Variants in MON2 observed in about 807,000 individuals in gnomAD.
MON2 encodes MON2 regulator of endosome-to-Golgi trafficking, also known as protein MON2 homolog.
MON2 carries 84 observed loss-of-function variants against 208.6 expected under a neutral mutation model. The ratio of observed to expected loss-of-function variants is 0.40; its 90% CI spans 0.34 to 0.48. The LOEUF is 0.48. MON2 is among the 20% of genes least tolerant of loss of function. The pLI is 0.59. For missense variants in MON2, 1,611 were observed against 2,015.4 expected, an observed-to-expected ratio of 0.80 and a Z score of 3.84; for synonymous variants, 660 against 694.0, an observed-to-expected ratio of 0.95 and a Z score of 0.77.
intron 11 of MON2, among the ~76,000 whole-genome samples, chr12:62,529,882 A>G (rs2072537789): frequency 6.6e-6 from 1 of 152,194 alleles, no homozygotes. Flanking sequence ...ATAAATGTAC[A>G]TATTTTCAGG....
intron 1 of MON2, among the ~76,000 whole-genome samples, chr12:62,469,075 G>A (rs1279990009): frequency 6.6e-6 from 1 of 151,160 alleles, no homozygotes; most frequent in East Asian, 1.9e-4. Context: ...GAGTTGCAGC[G>A]ACTACAAGTG....
intron 8 of MON2, among the ~76,000 whole-genome samples, chr12:62,518,775 C>T (rs75244473): frequency 0.01 from 1,582 of 152,162 alleles, 7 homozygotes; most frequent in Middle Eastern, 0.027. Context: ...ACATTGGTTC[C>T]TAATAAGGAA....
At chr12:62,570,407 T>C (rs2074547520) in intron 29 of MON2, among the ~76,000 whole-genome samples, 1 of 152,182 alleles carries the variant, frequency 6.6e-6, no homozygotes, top group Non-Finnish European at 1.5e-5. Context: ...AGATAGAACA[T>C]ACAACTTCAA....
At chr12:62,499,487 T>G (rs2070720097) in intron 5 of MON2, among the ~76,000 whole-genome samples, 1 of 152,198 alleles carries the variant, frequency 6.6e-6, no homozygotes, top group Non-Finnish European at 1.5e-5. Context: ...CTTTTTGAAT[T>G]ATTTCTTTAG....
intron 29 of MON2, among the ~76,000 whole-genome samples, chr12:62,568,232 A>G (rs1041924338): frequency 6.6e-5 from 10 of 152,240 alleles, no homozygotes; most frequent in Non-Finnish European, 1.3e-4. Flanking sequence ...AGAACCTGGG[A>G]TATGTCTGAA....
chr12:62,599,360 A>G lies in MON2; in HGVS notation c.*6611A>G, dbSNP rs2075585647. Reference sequence around the variant, plus strand: ...AGCTGTTTTGAAACTGCCTGTCCATATCAATGCCAGACTATCTCTCTACCT... The same window carrying G: ...AGCTGTTTTGAAACTGCCTGTCCATGTCAATGCCAGACTATCTCTCTACCT... On this transcript the variant is annotated 3_prime_UTR_variant, in exon 35 of 35. Coordinates refer to ENST00000393630, the MANE Select transcript of MON2 (RefSeq NM_015026.3). 1 of 152,162 alleles carries G rather than the reference A, an allele frequency of 6.6e-6. No individual in the cohort carries two copies. The highest frequency in any genetic ancestry group is 1.5e-5 in the Non-Finnish European group (1 of 68,020). The allele number at this position is 152,162 out of a possible 1,614,324, so 9.4% of individuals were successfully genotyped here. A position where few individuals can be genotyped will look rare whatever the true frequency, so the allele number is the denominator to read the frequency against.
intron 1 of MON2, among the ~76,000 whole-genome samples, chr12:62,480,583 TC>T (rs1047020614): frequency 6.6e-6 from 1 of 152,084 alleles, no homozygotes; most frequent in African/African-American, 2.4e-5. Flanking sequence ...AAAACAAACT[TC>T]CTTTTCCTTC....
At chr12:62,526,718 TTAA>T (rs2072348985) in intron 11 of MON2, among the ~76,000 whole-genome samples, 1 of 152,212 alleles carries the variant, frequency 6.6e-6, no homozygotes, top group South Asian at 2.1e-4. Context: ...TTCTTAAGTC[TTAA>T]TGAGATACAG....
intron 1 of MON2, among the ~76,000 whole-genome samples, chr12:62,472,201 A>C (rs1291764096): frequency 6.6e-6 from 1 of 152,170 alleles, no homozygotes; most frequent in Non-Finnish European, 1.5e-5. Context: ...GGAAGGTTAA[A>C]GGCTAGCAGC....
intron 15 of MON2, 22 bp from the exon 16 acceptor site, chr12:62,537,580 A>G (rs1234964888): frequency 7.2e-6 from 11 of 1,530,192 alleles, no homozygotes; most frequent in Non-Finnish European, 9.9e-6. Context: ...ATTATTGAAA[A>G]TGTATCCTTT....
At chr12:62,469,405 T>G (rs2068677853) in intron 1 of MON2, among the ~76,000 whole-genome samples, 1 of 152,220 alleles carries the variant, frequency 6.6e-6, no homozygotes, top group African/African-American at 2.4e-5. Context: ...GAGAGATATT[T>G]TGTAATTGCA....
intron 30 of MON2, among the ~76,000 whole-genome samples, chr12:62,577,360 A>G (rs2074831763): frequency 6.6e-6 from 1 of 152,084 alleles, no homozygotes; most frequent in African/African-American, 2.4e-5. Context: ...TTGAACACCC[A>G]AGAATATAAT....
intron 2 of MON2, among the ~76,000 whole-genome samples, chr12:62,487,806 AG>A (rs2069887092): frequency 6.6e-6 from 1 of 152,212 alleles, no homozygotes; most frequent in Admixed American, 6.5e-5. Context: ...GGAGATATAA[AG>A]ATGGGTAATG....
In MON2 at chr12:62,599,513, A is replaced by T. The variant is rs1044969176; in HGVS notation, c.*6764A>T. 2.0e-5 allele frequency: 3 copies of T among 152,228 alleles called. No homozygotes were observed. The highest frequency in any genetic ancestry group is 4.4e-5 in the Non-Finnish European group (3 of 68,040). 9.4% of individuals were successfully genotyped at this position (152,228 alleles called of 1,614,324 possible). ...GTTAAAATAATTTTTCTGATGCGTA[A>T]TTTTAACCACCATTTCTGGAGTACC... On this transcript the variant is annotated 3_prime_UTR_variant, in exon 35 of 35. Coordinates refer to ENST00000393630, the MANE Select transcript of MON2 (RefSeq NM_015026.3).
At chr12:62,503,978 G>T (rs545543656) in intron 7 of MON2, among the ~76,000 whole-genome samples, 3 of 150,546 alleles carry the variant, frequency 2.0e-5, no homozygotes, top group Admixed American at 1.3e-4. Context: ...ACACGTATAT[G>T]TGTATTATAT....
rs145829047 is a variant in MON2, at chr12:62,577,008, T to C, written c.4515-1437T>C. On this transcript the variant is annotated intron_variant, in intron 30 of 34. Coordinates refer to ENST00000393630, the MANE Select transcript of MON2 (RefSeq NM_015026.3). ...ATATACACACTAATAATATTAATAT[T>C]ATTTTATTATTTTTGCCTCTTCATT... Among the ~76,000 whole-genome samples, 151 of 151,928 alleles carry C rather than the reference T, an allele frequency of 9.9e-4. No homozygotes were observed. In the Middle Eastern group the frequency reaches 0.024, roughly 24 times the overall value.
chr12:62,472,316 G>A (rs1450842430), intron 1 of MON2, among the ~76,000 whole-genome samples: 4 of 152,058 alleles, frequency 2.6e-5, no homozygotes, highest in Non-Finnish European at 5.9e-5. Context: ...CAGCACTAGA[G>A]GATGATGAAG....
rs937120131 is a variant in MON2 at position 62,594,629 on chromosome 12, C to G, written c.*1880C>G. The G allele has an allele frequency of 6.6e-6, 1 of 152,082 alleles. No individual in the cohort carries two copies. The highest frequency in any genetic ancestry group is 6.6e-5 in the Admixed American group (1 of 15,266). 9.4% of individuals were successfully genotyped at this position (152,082 alleles called of 1,614,324 possible). On this transcript the variant is annotated 3_prime_UTR_variant, in exon 35 of 35. Coordinates refer to ENST00000393630, the MANE Select transcript of MON2 (RefSeq NM_015026.3). ...TTAAAAATATTGCTATGCATTTATTCAAAGGAAAATGGTCTGTTCTTGAGA... is the reference window on the plus strand; with the variant it reads ...TTAAAAATATTGCTATGCATTTATTGAAAGGAAAATGGTCTGTTCTTGAGA...
chr12:62,488,900 G>T (rs1288296586), intron 2 of MON2, among the ~76,000 whole-genome samples: 1 of 151,992 alleles, frequency 6.6e-6, no homozygotes, highest in East Asian at 1.9e-4. Context: ...ACCTAATGTA[G>T]ATGATAGGTT....
Sources: allele counts gnomAD v4.1 joint callset (sites outside exome capture counted in the v4.1 genomes callset), GRCh38; gene constraint gnomAD v4.1.1; transcripts MANE v1.5; gene names NCBI Gene and HGNC (gene_info 2026-07-23, HGNC 2026-07-21).